Variants in AHNAK observed in about 807,000 individuals in gnomAD.
The protein encoded by AHNAK is AHNAK nucleoprotein, also known as neuroblast differentiation-associated protein AHNAK.
A neutral mutation model predicts 37.8 loss-of-function variants in AHNAK; 23 were observed. That is an observed-to-expected ratio of 0.61 (90% CI 0.44 to 0.86). The LOEUF is 0.86. Ranked by LOEUF, AHNAK falls within the 40% of genes least tolerant of loss-of-function variation. AHNAK has a pLI of 0.00. For synonymous variants in AHNAK, 2,481 were observed against 2,636.3 expected (o/e 0.94, Z 1.80); for missense variants, 7,411 against 7,319.4 (o/e 1.01, Z -0.46).
At chr11:62,541,355 C>T (rs1020037036) in intron 1 of AHNAK, among the ~76,000 whole-genome samples, 9 of 152,222 alleles carry the variant, frequency 5.9e-5, no homozygotes, top group Admixed American at 1.3e-4. Flanking sequence ...CATGGCAGCA[C>T]GCACATAGGC....
In AHNAK at chr11:62,490,197, CTTTTTTTTTTTTTT is replaced by C. The variant is rs944550481; in HGVS notation, c.442+1521_442+1534del. On this transcript the variant is annotated intron_variant, in intron 5 of 5. Transcript: ENST00000257247. ...GGGAGGCTTTCTTTCTTTTCTTTTTCTTTTTTTTTTTTTTTTTTTTTTGAGACAGAGTCTTGCTC... is the reference window on the plus strand; with the variant it reads ...GGGAGGCTTTCTTTCTTTTCTTTTTCTTTTTTTTGAGACAGAGTCTTGCTC... 8.6e-5 allele frequency among the ~76,000 whole-genome samples: 10 copies of C among 115,932 alleles called. No individual in the cohort carries two copies. In the South Asian group the frequency reaches 2.2e-3, roughly 26 times the overall value. The allele number at this position is 115,932 out of a possible 152,430, so 76.1% of individuals were successfully genotyped here.
intron 5 of AHNAK, among the ~76,000 whole-genome samples, chr11:62,471,192 A>G (rs947784): frequency 0.19 from 28,272 of 152,026 alleles, 7,823 homozygotes; most frequent in African/African-American, 0.61. Flanking sequence ...CTTAATAGTG[A>G]CGCCTTTGAC....
rs1034625011 is a variant in AHNAK, at chr11:62,523,362, C to A, written c.11055G>T (p.Met3685Ile). Residue 3685 changes from methionine (M) to isoleucine (I), a missense_variant, in exon 5 of 5, where the codon ATG becomes ATT. Transcript: ENST00000378024. ...DFDLNLKGPKMKGDVVVSLPK... is the reference protein window; with the variant it reads ...DFDLNLKGPKIKGDVVVSLPK... ...GCAAAGACACAACCACATCACCCTT[C>A]ATTTTGGGTCCCTTCAAGTTCAGGT... is the stretch of plus-strand genomic sequence containing the variant. 2 of 1,612,608 alleles carry A rather than the reference C, an allele frequency of 1.2e-6. No individual in the cohort carries two copies. The highest frequency in any genetic ancestry group is 2.2e-5 in the East Asian group (1 of 44,862).
rs2134231126 is a variant in AHNAK, at chr11:62,529,118, A to G, written c.5299T>C (p.Ser1767Pro). 1 of 1,613,756 alleles carries G rather than the reference A, an allele frequency of 6.2e-7. No individual in the cohort carries two copies. Among genetic ancestry groups the G allele is most frequent in the Admixed American group, 1.7e-5 (1 of 59,986 alleles). Residue 1767 changes from serine (S) to proline (P), a missense_variant, in exon 5 of 5, where the codon TCC becomes CCC. Coordinates refer to ENST00000378024, the MANE Select transcript of AHNAK (RefSeq NM_001620.3). ...IEGPEGKLKG[S>P]KFKMPKLNIK... ...TTCAACTTGGGCATCTTAAATTTGG[A>G]GCCTTTCAACTTTCCTTCTGGTCCC...
chr11:62,514,705 A>G (rs1939976253), downstream of AHNAK, among the ~76,000 whole-genome samples: 1 of 152,234 alleles, frequency 6.6e-6, no homozygotes, highest in Non-Finnish European at 1.5e-5. Context: ...CAGGTTAAGC[A>G]TCCTGTCCAA....
rs1211802724 is a variant in AHNAK at position 62,519,129 on chromosome 11, G to A, written c.15288C>T (p.Asp5096=). The A allele has an allele frequency of 1.9e-6, 3 of 1,613,856 alleles. No individual in the cohort carries two copies. Among genetic ancestry groups the A allele is most frequent in the Middle Eastern group, 1.7e-4 (1 of 6,060 alleles). ...GKMYFPDVEF[D]IKSPKFKAEA... is the part of the protein sequence containing the mutation. ...CAGCTTTAAATTTAGGTGATTTAATGTCAAACTCTACATCTGGGAAGTACA... is the reference window on the plus strand; with the variant it reads ...CAGCTTTAAATTTAGGTGATTTAATATCAAACTCTACATCTGGGAAGTACA... The change falls in exon 5 of 5, where the codon GAC becomes GAT. Residue 5096 remains aspartate (D), a synonymous_variant. Coordinates refer to ENST00000378024, the MANE Select transcript of AHNAK (RefSeq NM_001620.3).
At chr11:62,482,721 C>T (rs950076114) in intron 5 of AHNAK, among the ~76,000 whole-genome samples, 2 of 152,152 alleles carry the variant, frequency 1.3e-5, no homozygotes, top group African/African-American at 4.8e-5. Flanking sequence ...CAGAATGTCT[C>T]CATCTAGCAT....
chr11:62,523,567 C>T lies in AHNAK; in HGVS notation c.10850G>A (p.Gly3617Glu). Residue 3617 changes from glycine (G) to glutamate (E), a missense_variant, in exon 5 of 5, where the codon GGA (glycine) becomes GAA (glutamate). Transcript: ENST00000378024. ...GGTAACATCGACTTCAGGGCCTTCT[C>T]CTTTGAAGCCAGGCATGCTGAACTT... ...MPKFSMPGFK[G>E]EGPEVDVTLP... 6.2e-7 allele frequency: 1 copy of T among 1,614,106 alleles called. No homozygotes were observed. The highest frequency in any genetic ancestry group is 1.1e-5 in the South Asian group (1 of 91,070).
chr11:62,532,725 G>C lies in AHNAK; in HGVS notation c.1692C>G (p.Thr564=), dbSNP rs766508111. 1 of 1,613,946 alleles carries C rather than the reference G, an allele frequency of 6.2e-7. No homozygotes were observed. Among genetic ancestry groups the C allele is most frequent in the South Asian group, 1.1e-5 (1 of 91,062 alleles). The change falls in exon 5 of 5, where the codon ACC becomes ACG. Residue 564 remains threonine (T), a synonymous_variant. Coordinates refer to ENST00000378024, the MANE Select transcript of AHNAK (RefSeq NM_001620.3). ...CTGACATAGAGATCCTACAGGTTCCGGTTTTCCCGGAAGGACTGCCAAGCC... is the reference window on the plus strand; with the variant it reads ...CTGACATAGAGATCCTACAGGTTCCCGTTTTCCCGGAAGGACTGCCAAGCC... The part of the protein sequence containing the change: ...GPRLGSPSGK[T]GTCRISMSEV...
At chr11:62,480,310 G>T (rs1330158831) in intron 5 of AHNAK, among the ~76,000 whole-genome samples, 1 of 152,168 alleles carries the variant, frequency 6.6e-6, no homozygotes, top group Non-Finnish European at 1.5e-5. Flanking sequence ...TTGTGACAGA[G>T]TTCACTCCAG....
chr11:62,526,319 T>C lies in AHNAK; in HGVS notation c.8098A>G (p.Met2700Val), dbSNP rs1256650857. The change falls in exon 5 of 5, where the codon ATG (methionine) becomes GTG (valine). Residue 2700 changes from methionine to valine, a missense_variant. By Grantham distance (21) the Met-to-Val change is conservative. Transcript: ENST00000378024. The part of the protein sequence containing the change: ...LKGPKFKMPE[M>V]NIKAPKISMP... ...GAGATCTTGGGGGCTTTGATATTCATCTCTGGCATCTTGAACTTAGGCCCT... is the reference window on the plus strand; with the variant it reads ...GAGATCTTGGGGGCTTTGATATTCACCTCTGGCATCTTGAACTTAGGCCCT... The C allele has an allele frequency of 6.2e-6, 10 of 1,613,602 alleles. No individual in the cohort carries two copies. Among genetic ancestry groups the C allele is most frequent in the Non-Finnish European group, 8.5e-6 (10 of 1,179,900 alleles).
At chr11:62,435,200 A>G (rs1938134010) in intron 5 of AHNAK, among the ~76,000 whole-genome samples, 1 of 151,746 alleles carries the variant, frequency 6.6e-6, no homozygotes, top group Non-Finnish European at 1.5e-5. Flanking sequence ...CCATCTGACC[A>G]CTCTAGTTCA....
chr11:62,440,261 AG>A (rs1024917782), intron 5 of AHNAK, among the ~76,000 whole-genome samples: 41 of 152,112 alleles, frequency 2.7e-4, no homozygotes, highest in African/African-American at 9.2e-4. Flanking sequence ...TTTTACGATG[AG>A]GAAACGACAC....
intron 4 of AHNAK, among the ~76,000 whole-genome samples, chr11:62,502,478 T>A (rs1248340690): frequency 6.6e-6 from 1 of 152,096 alleles, no homozygotes; most frequent in Non-Finnish European, 1.5e-5. Context: ...AGGGGAAGTG[T>A]ATGAAGTGAT....
In AHNAK at chr11:62,532,955, C is replaced by G; in HGVS notation, c.1462G>C (p.Val488Leu). The part of the protein sequence containing the change: ...GLEGKMKGTK[V>L]KTPEMIIQKP... ...TGAATAATCATTTCAGGAGTCTTCACTTTAGTACCTTTCATCTTTCCTTCC... is the reference window on the plus strand; with the variant it reads ...TGAATAATCATTTCAGGAGTCTTCAGTTTAGTACCTTTCATCTTTCCTTCC... The change falls in exon 5 of 5, where the codon GTG becomes CTG. Residue 488 changes from valine to leucine, a missense_variant. Transcript: ENST00000378024. The G allele has an allele frequency of 6.2e-7, 1 of 1,614,120 alleles. No individual in the cohort carries two copies. The highest frequency in any genetic ancestry group is 8.5e-7 in the Non-Finnish European group (1 of 1,180,012).
chr11:62,526,589 C>T lies in AHNAK; in HGVS notation c.7828G>A (p.Gly2610Ser), dbSNP rs1940497722. Residue 2610 changes from glycine to serine, a missense_variant, in exon 5 of 5, where the codon GGC (glycine) becomes AGC (serine). Gly to Ser is a moderately conservative substitution (Grantham distance 56). Coordinates refer to ENST00000378024, the MANE Select transcript of AHNAK (RefSeq NM_001620.3). ...SLPKVEGDLK[G>S]PEVDIKGPKV... ...GGCCCCTTGATGTCAACTTCGGGGCCCTTGAGGTCACCTTCCACTTTGGGC... is the reference window on the plus strand; with the variant it reads ...GGCCCCTTGATGTCAACTTCGGGGCTCTTGAGGTCACCTTCCACTTTGGGC... 1 of 1,613,302 alleles carries T rather than the reference C, an allele frequency of 6.2e-7. No individual in the cohort carries two copies. Among genetic ancestry groups the T allele is most frequent in the Admixed American group, 1.7e-5 (1 of 59,870 alleles).
chr11:62,464,399 G>C (rs764019678), intron 5 of AHNAK, among the ~76,000 whole-genome samples: 1 of 151,910 alleles, frequency 6.6e-6, no homozygotes, highest in East Asian at 2.0e-4. Context: ...CTGGGCACCT[G>C]GCTCACGCCT....
intron 5 of AHNAK, among the ~76,000 whole-genome samples, chr11:62,491,184 C>A (rs1170106486): frequency 6.6e-6 from 1 of 152,176 alleles, no homozygotes; most frequent in African/African-American, 2.4e-5. Flanking sequence ...GAGCCAATGA[C>A]CCCTCCACGT....
chr11:62,508,233 G>C (rs571401190), intron 4 of AHNAK, among the ~76,000 whole-genome samples: 69 of 152,242 alleles, frequency 4.5e-4, no homozygotes, highest in Admixed American at 1.7e-3. Context: ...CTTCTTCAGG[G>C]AAACGGCAGT....
Sources: gnomAD v4.1 joint callset for allele counts (sites outside exome capture counted in the v4.1 genomes callset) on GRCh38, gnomAD v4.1.1 for gene constraint, MANE v1.5 for transcripts, NCBI Gene and HGNC (gene_info 2026-07-23, HGNC 2026-07-21) for gene names.